The following NKAIN2 variants were observed in gnomAD, a reference collection of about 807,000 sequenced individuals.
NKAIN2 encodes the protein sodium/potassium-transporting ATPase subunit beta-1-interacting protein 2.
NKAIN2 carries 14 observed loss-of-function variants against 32.6 expected under a neutral mutation model. The observed-to-expected ratio is 0.43, with a 90% CI of 0.28 to 0.67. The LOEUF (loss-of-function observed/expected upper bound fraction) is 0.67. Among genes scored for constraint, NKAIN2 ranks in the 30% least tolerant of loss-of-function variants. The pLI is 0.17. For synonymous variants in NKAIN2, 80 were observed against 87.2 expected (o/e 0.92, Z 0.46); for missense variants, 198 against 258.3 (o/e 0.77, Z 1.60).
At chr6:123,857,872 T>C (rs775776049) in intron 1 of NKAIN2, among the ~76,000 whole-genome samples, 1 of 150,486 alleles carries the variant, frequency 6.6e-6, no homozygotes, top group Admixed American at 6.6e-5. Context: ...CATATGTCAG[T>C]GCAATTGTAT....
chr6:124,023,038 A>G (rs1037853297), intron 1 of NKAIN2, among the ~76,000 whole-genome samples: 7 of 150,974 alleles, frequency 4.6e-5, no homozygotes, highest in African/African-American at 1.7e-4. Flanking sequence ...TACTTTATAT[A>G]TATATATGTA....
At chr6:124,613,169 G>T (rs1166640254) in intron 3 of NKAIN2, among the ~76,000 whole-genome samples, 1 of 152,110 alleles carries the variant, frequency 6.6e-6, no homozygotes, top group East Asian at 1.9e-4. Flanking sequence ...TGCAAGCAGA[G>T]TCCAATGGGA....
At chr6:123,866,047 G>A (rs973736896) in intron 1 of NKAIN2, among the ~76,000 whole-genome samples, 1 of 152,172 alleles carries the variant, frequency 6.6e-6, no homozygotes, top group African/African-American at 2.4e-5. Context: ...TAGTTTTGGA[G>A]TCTATCTCCC....
At chr6:124,681,416 A>G (rs1773613040) in intron 4 of NKAIN2, among the ~76,000 whole-genome samples, 1 of 152,054 alleles carries the variant, frequency 6.6e-6, no homozygotes, top group Non-Finnish European at 1.5e-5. Flanking sequence ...ATAAACAAAC[A>G]AACCCCTGAT....
At chr6:124,137,393 A>G (rs114682324) in intron 1 of NKAIN2, among the ~76,000 whole-genome samples, 1,872 of 152,310 alleles carry the variant, frequency 0.012, 38 homozygotes, top group African/African-American at 0.041. Flanking sequence ...TCCCATGATC[A>G]TGGACAGGTA....
In NKAIN2 at chr6:123,803,940, G is replaced by C. The variant is rs1349171540; in HGVS notation, c.-261G>C. On this transcript the variant is annotated 5_prime_UTR_variant, in exon 1 of 7. Coordinates refer to ENST00000368417, the MANE Select transcript of NKAIN2 (RefSeq NM_001040214.3). Reference sequence around the variant, plus strand: ...GGGCCCCGAGCGCGCCTCCGCAGGCGGCACTGCCCGCGGCGCGGCGTGTGC... The same window carrying C: ...GGGCCCCGAGCGCGCCTCCGCAGGCCGCACTGCCCGCGGCGCGGCGTGTGC... Among the ~76,000 whole-genome samples the C allele has an allele frequency of 1.3e-5, 2 of 150,294 alleles. No individual in the cohort carries two copies. Among genetic ancestry groups the C allele is most frequent in the Non-Finnish European group, 3.0e-5 (2 of 67,408 alleles).
At chr6:124,410,141 C>A (rs927165849) in intron 3 of NKAIN2, among the ~76,000 whole-genome samples, 2 of 152,072 alleles carry the variant, frequency 1.3e-5, no homozygotes, top group East Asian at 3.9e-4. Flanking sequence ...TTTCAAAAAA[C>A]CAGCTCCTGG....
chr6:124,678,562 G>T (rs1249431610), intron 4 of NKAIN2, among the ~76,000 whole-genome samples: 1 of 151,766 alleles, frequency 6.6e-6, no homozygotes, highest in African/African-American at 2.4e-5. Context: ...AAATTCATTT[G>T]GTTCGTTTTA....
intron 3 of NKAIN2, among the ~76,000 whole-genome samples, chr6:124,545,059 C>T (rs909568706): frequency 2.0e-5 from 3 of 152,122 alleles, no homozygotes; most frequent in South Asian, 2.1e-4. Context: ...ATTAGGAAAC[C>T]GTAAGGCCTC....
chr6:124,505,847 C>T (rs1259188503), intron 3 of NKAIN2, among the ~76,000 whole-genome samples: 2 of 152,062 alleles, frequency 1.3e-5, no homozygotes, highest in Non-Finnish European at 2.9e-5. Flanking sequence ...CAACACCACA[C>T]CTCTAATGAC....
intron 4 of NKAIN2, among the ~76,000 whole-genome samples, chr6:124,777,953 A>G (rs939703600): frequency 2.1e-5 from 3 of 145,310 alleles, no homozygotes; most frequent in African/African-American, 8.4e-5. Flanking sequence ...ACATTCACAC[A>G]CACACACACA....
intron 1 of NKAIN2, among the ~76,000 whole-genome samples, chr6:124,066,128 A>G (rs542379601): frequency 6.6e-6 from 1 of 152,192 alleles, no homozygotes; most frequent in Admixed American, 6.5e-5. Context: ...GCTATCTAAA[A>G]TATATCCAGG....
chr6:124,178,488 G>A (rs1789277737), intron 1 of NKAIN2, among the ~76,000 whole-genome samples: 1 of 151,808 alleles, frequency 6.6e-6, no homozygotes, highest in Non-Finnish European at 1.5e-5. Flanking sequence ...TAGTAGAGAT[G>A]GGGTTTCACC....
intron 3 of NKAIN2, among the ~76,000 whole-genome samples, chr6:124,510,586 A>G (rs1215925252): frequency 3.3e-5 from 5 of 152,200 alleles, no homozygotes; most frequent in Admixed American, 2.6e-4. Context: ...TACAGTTGAA[A>G]GGCCTGTATC....
intron 1 of NKAIN2, among the ~76,000 whole-genome samples, chr6:123,826,137 G>A (rs1774138063): frequency 6.6e-6 from 1 of 152,054 alleles, no homozygotes; most frequent in Admixed American, 6.6e-5. Flanking sequence ...TCCCAGCAAG[G>A]CCACTCCATC....
intron 5 of NKAIN2, among the ~76,000 whole-genome samples, chr6:124,791,847 A>G (rs960648974): frequency 6.6e-6 from 1 of 152,144 alleles, no homozygotes; most frequent in African/African-American, 2.4e-5. Context: ...CTGACTTCAG[A>G]TTAATTCAGA....
intron 3 of NKAIN2, among the ~76,000 whole-genome samples, chr6:124,378,869 C>T (rs1800100600): frequency 6.8e-6 from 1 of 146,394 alleles, no homozygotes; most frequent in African/African-American, 2.4e-5. Flanking sequence ...ACTGGAGGAT[C>T]ACTTGAACCC....
At chr6:124,385,715 G>A (rs1772868577) in intron 3 of NKAIN2, among the ~76,000 whole-genome samples, 1 of 151,830 alleles carries the variant, frequency 6.6e-6, no homozygotes, top group South Asian at 2.1e-4. Context: ...CTATCTTTAT[G>A]TTCTATAGGT....
intron 1 of NKAIN2, among the ~76,000 whole-genome samples, chr6:124,277,437 GTGTGTGTGTGTGTGTGTGTGTATC>G (rs1334449314): frequency 7.6e-6 from 1 of 130,736 alleles, no homozygotes; most frequent in Non-Finnish European, 1.6e-5. Context: ...TCGTGTGTGT[GTGTGTGTGTGTGTGTGTGTGTATC>G]TGTGTGTGTG....
Sources: allele counts gnomAD v4.1 joint callset (sites outside exome capture counted in the v4.1 genomes callset), GRCh38; gene constraint gnomAD v4.1.1; transcripts MANE v1.5; gene names NCBI Gene and HGNC (gene_info 2026-07-23, HGNC 2026-07-21).